Variants in THSD4 observed in about 807,000 individuals in gnomAD.
THSD4 encodes the protein thrombospondin type 1 domain containing 4.
A neutral mutation model predicts 119.0 loss-of-function variants in THSD4; 69 were observed. The observed-to-expected ratio is 0.58, with a 90% CI of 0.48 to 0.71. The LOEUF is 0.71. Ranked by LOEUF, THSD4 falls within the 30% of genes least tolerant of loss-of-function variation. The pLI is 0.00. For missense variants in THSD4, 1,393 were observed against 1,391.1 expected (o/e 1.00, Z -0.02); for synonymous variants, 524 against 540.4 (o/e 0.97, Z 0.42).
At chr15:71,466,087 C>T (rs2047495117) in intron 7 of THSD4, among the ~76,000 whole-genome samples, 1 of 152,114 alleles carries the variant, frequency 6.6e-6, no homozygotes, top group Non-Finnish European at 1.5e-5. Context: ...CAGTGGCTCA[C>T]ACCTGTAATC....
At chr15:71,506,402 G>A (rs544581384) in intron 7 of THSD4, among the ~76,000 whole-genome samples, 1 of 152,288 alleles carries the variant, frequency 6.6e-6, no homozygotes, top group African/African-American at 2.4e-5. Context: ...CCTTCCCCAT[G>A]TACTGTCAAG....
At chr15:71,172,013 C>G (rs1290031275) in intron 3 of THSD4, 1 of 152,046 alleles carries the variant, frequency 6.6e-6, no homozygotes, top group African/African-American at 2.4e-5. Flanking sequence ...AGCATTTTAG[C>G]TTATATGCCA....
chr15:71,651,507 G>T (rs1372074810), intron 7 of THSD4, among the ~76,000 whole-genome samples: 1 of 152,112 alleles, frequency 6.6e-6, no homozygotes, highest in Non-Finnish European at 1.5e-5. Context: ...CACCCAGTCA[G>T]TCCTCTCAGC....
chr15:71,397,246 A>G (rs571216010), intron 6 of THSD4, among the ~76,000 whole-genome samples: 60 of 152,128 alleles, frequency 3.9e-4, no homozygotes, highest in African/African-American at 1.4e-3. Context: ...CCTCCCCTTC[A>G]CATAATAAAC....
intron 7 of THSD4, among the ~76,000 whole-genome samples, chr15:71,500,390 A>G (rs967793881): frequency 1.3e-5 from 2 of 152,156 alleles, no homozygotes; most frequent in African/African-American, 2.4e-5. Context: ...CTCCTCAGAT[A>G]TATCGTTTGC....
chr15:71,547,672 T>G lies in THSD4; in HGVS notation c.1153-112858T>G. 3 of 670,230 alleles carry G rather than the reference T, an allele frequency of 4.5e-6. 1 individual carries two copies. The South Asian group carries it at 7.8e-5, about 17-fold the overall frequency. 41.5% of individuals were successfully genotyped at this position (670,230 alleles called of 1,614,324 possible). On this transcript the variant is annotated intron_variant, in intron 7 of 17. Transcript: ENST00000261862. ...CTTTTCTTCTTGAAGAATTTTATAC[T>G]TTCTAAAATGTCATTTTGAAGCTGT...
At chr15:71,667,592 T>C (rs1476287556) in intron 8 of THSD4, among the ~76,000 whole-genome samples, 2 of 152,318 alleles carry the variant, frequency 1.3e-5, no homozygotes, top group East Asian at 1.9e-4. Context: ...ACAACAGTAA[T>C]GGTCAGCATT....
upstream of THSD4, among the ~76,000 whole-genome samples, chr15:71,114,720 A>C (rs1219010269): frequency 2.0e-5 from 3 of 152,210 alleles, no homozygotes; most frequent in East Asian, 5.8e-4. Flanking sequence ...TTTTATCATT[A>C]CTAATGAGAA....
At chr15:71,110,361 CT>C (rs923673184) in intron 1 of THSD4, 2 of 152,138 alleles carry the variant, frequency 1.3e-5, no homozygotes, top group African/African-American at 4.8e-5. Context: ...CTTTTTCTCC[CT>C]CTCCCTTTGG....
intron 7 of THSD4, among the ~76,000 whole-genome samples, chr15:71,619,327 A>G (rs2050378627): frequency 6.6e-6 from 1 of 152,196 alleles, no homozygotes; most frequent in Non-Finnish European, 1.5e-5. Context: ...AGATTTTTAA[A>G]GAGCCAAACC....
chr15:71,459,326 C>A (rs1215801713), intron 7 of THSD4, among the ~76,000 whole-genome samples: 3 of 144,634 alleles, frequency 2.1e-5, no homozygotes, highest in Non-Finnish European at 4.6e-5. Context: ...GCCCAACTAT[C>A]TCTCTCTCTC....
At chr15:71,104,140 A>G (rs1426523922) in intron 1 of THSD4, among the ~76,000 whole-genome samples, 2 of 152,178 alleles carry the variant, frequency 1.3e-5, no homozygotes, top group South Asian at 2.1e-4. Context: ...TTTTTAAATC[A>G]TCAATCATTT....
At chr15:71,616,290 T>C (rs2050317854) in intron 7 of THSD4, among the ~76,000 whole-genome samples, 1 of 152,152 alleles carries the variant, frequency 6.6e-6, no homozygotes, top group South Asian at 2.1e-4. Flanking sequence ...GTTTAAAAAG[T>C]GAATCTAATT....
chr15:71,727,691 G>A (rs2052887268), intron 8 of THSD4, among the ~76,000 whole-genome samples: 1 of 139,476 alleles, frequency 7.2e-6, no homozygotes, highest in Non-Finnish European at 1.5e-5. Context: ...GATTCCTTGA[G>A]CCCAGGAGGT....
chr15:71,308,054 CT>C (rs779911221), intron 6 of THSD4, among the ~76,000 whole-genome samples: 7 of 152,200 alleles, frequency 4.6e-5, no homozygotes, highest in Admixed American at 6.5e-5. Flanking sequence ...ACCTGTGTGA[CT>C]GACCTCTAGT....
At chr15:71,489,386 T>C (rs866527024) in intron 7 of THSD4, among the ~76,000 whole-genome samples, 12 of 152,186 alleles carry the variant, frequency 7.9e-5, no homozygotes, top group African/African-American at 2.4e-4. Context: ...TGTTGTCTTA[T>C]TCATCTTTAA....
chr15:71,411,551 G>A (rs2046687151), intron 6 of THSD4, 136 bp from the exon 7 acceptor site: 2 of 910,088 alleles, frequency 2.2e-6, no homozygotes, highest in Non-Finnish European at 3.2e-6. Context: ...CTGTATAGTT[G>A]GTTAAAATGC....
intron 3 of THSD4, among the ~76,000 whole-genome samples, chr15:71,210,187 G>A (rs374224187): frequency 6.6e-6 from 1 of 152,108 alleles, no homozygotes; most frequent in Non-Finnish European, 1.5e-5. Context: ...GAGGTATCCT[G>A]GGTGCTCATG....
chr15:71,315,860 C>T (rs1035981004), intron 6 of THSD4, among the ~76,000 whole-genome samples: 2 of 152,102 alleles, frequency 1.3e-5, no homozygotes, highest in African/African-American at 4.8e-5. Context: ...GATTGTATTT[C>T]ACCAACACAA....
Sources: allele counts gnomAD v4.1 joint callset (sites outside exome capture counted in the v4.1 genomes callset), GRCh38; gene constraint gnomAD v4.1.1; transcripts MANE v1.5; gene names NCBI Gene and HGNC (gene_info 2026-07-23, HGNC 2026-07-21).